ULK4: variants seen among roughly 807,000 people sequenced by gnomAD.
ULK4 encodes unc-51 like kinase 4.
In ULK4, 133 loss-of-function variants were observed where a neutral mutation model predicts 160.6. The observed-to-expected ratio is 0.83, with a 90% CI of 0.72 to 0.96. ULK4 has a LOEUF of 0.96. ULK4 is among the 40% of genes least tolerant of loss of function. ULK4 has a pLI of 0.00. For missense variants in ULK4, 1,580 were observed against 1,499.5 expected (o/e 1.05, Z -0.89); for synonymous variants, 534 against 539.8 (o/e 0.99, Z 0.15).
At chr3:41,440,607 G>A (rs2083142707) in intron 34 of ULK4, among the ~76,000 whole-genome samples, 1 of 152,012 alleles carries the variant, frequency 6.6e-6, no homozygotes, top group Non-Finnish European at 1.5e-5. Flanking sequence ...CAGGATATTG[G>A]TAGTTTTCTT....
chr3:41,320,399 C>A (rs1207333950), intron 35 of ULK4, among the ~76,000 whole-genome samples: 1 of 152,148 alleles, frequency 6.6e-6, no homozygotes, highest in East Asian at 1.9e-4. Context: ...AAGATCATAA[C>A]CCATTTTTCA....
At chr3:41,286,237 C>T (rs2079454186) in intron 35 of ULK4, among the ~76,000 whole-genome samples, 1 of 152,108 alleles carries the variant, frequency 6.6e-6, no homozygotes. Context: ...ACATTACCTT[C>T]TTGAATCTTT....
At chr3:41,582,417 G>C (rs1027633765) in intron 31 of ULK4, among the ~76,000 whole-genome samples, 3 of 151,942 alleles carry the variant, frequency 2.0e-5, no homozygotes, top group African/African-American at 7.2e-5. Context: ...TTTTGAATTC[G>C]GGGGATTAAA....
At chr3:41,282,510 T>C (rs1027163455) in intron 35 of ULK4, among the ~76,000 whole-genome samples, 3 of 152,150 alleles carry the variant, frequency 2.0e-5, no homozygotes, top group Admixed American at 2.0e-4. Context: ...TCTACAATCA[T>C]CTGATCTTTG....
chr3:41,664,885 A>C (rs2035305935), intron 29 of ULK4, among the ~76,000 whole-genome samples: 1 of 152,170 alleles, frequency 6.6e-6, no homozygotes, highest in Non-Finnish European at 1.5e-5. Context: ...CAATTTCCAC[A>C]ACAAAATTTT....
At chr3:41,296,610 G>A (rs962506441) in intron 35 of ULK4, among the ~76,000 whole-genome samples, 1 of 152,120 alleles carries the variant, frequency 6.6e-6, no homozygotes, top group African/African-American at 2.4e-5. Flanking sequence ...TTTGGTGGGA[G>A]GTGACATTTA....
At position 41,480,206 on chromosome 3, in the gene ULK4, C is replaced by CA. The variant is rs60805184; in HGVS notation, c.3227-16954dup. ...TGGGTGACAGAGCGAGACTCCGTAT[C>CA]AAAAAAAAAAAAAAAAAAAAAAAGT... On this transcript the variant is annotated intron_variant, in intron 32 of 36. Transcript: ENST00000301831. 3.6e-3 allele frequency among the ~76,000 whole-genome samples: 352 copies of CA among 97,088 alleles called. 9 individuals carry two copies. The East Asian group carries it at 0.05, about 14-fold the overall frequency. 63.7% of individuals were successfully genotyped at this position (97,088 alleles called of 152,430 possible). A position where few individuals can be genotyped will look rare whatever the true frequency, so the allele number is the denominator to read the frequency against.
chr3:41,437,195 A>G (rs973017716), intron 34 of ULK4, among the ~76,000 whole-genome samples: 1 of 152,122 alleles, frequency 6.6e-6, no homozygotes, highest in Non-Finnish European at 1.5e-5. Flanking sequence ...ACTATGAGAA[A>G]CTCGGAGTTG....
chr3:41,753,241 T>C (rs2038688017), intron 22 of ULK4, among the ~76,000 whole-genome samples: 1 of 152,124 alleles, frequency 6.6e-6, no homozygotes, highest in African/African-American at 2.4e-5. Flanking sequence ...CAGAAATTTG[T>C]TGTCTTGTTT....
intron 35 of ULK4, among the ~76,000 whole-genome samples, chr3:41,347,067 T>G (rs1162244787): frequency 7.2e-6 from 1 of 139,078 alleles, no homozygotes; most frequent in Non-Finnish European, 1.5e-5. Flanking sequence ...GAACAAATAT[T>G]CAGGAAAAAA....
At chr3:41,701,802 G>A (rs1010990524) in intron 27 of ULK4, among the ~76,000 whole-genome samples, 4 of 152,122 alleles carry the variant, frequency 2.6e-5, no homozygotes, top group Non-Finnish European at 5.9e-5. Flanking sequence ...GAGTTAAGCA[G>A]GCTAAGGTCT....
Position 41,772,533 on chromosome 3 carries a change from C to A in ULK4, c.2193+17128G>T, listed in dbSNP as rs530630629. Among the ~76,000 whole-genome samples the A allele has an allele frequency of 7.9e-5, 12 of 152,276 alleles. No homozygotes were observed. The East Asian group carries it at 1.9e-3, about 24-fold the overall frequency. ...AGACTAAACCAGGAAGAAGTTGAATCTCTGAATAGACCAATAACAGGATCT... is the reference window on the plus strand; with the variant it reads ...AGACTAAACCAGGAAGAAGTTGAATATCTGAATAGACCAATAACAGGATCT... On this transcript the variant is annotated intron_variant, in intron 21 of 36. Transcript: ENST00000301831.
In ULK4 at chr3:41,417,970, A is replaced by T. The variant is rs116348664; in HGVS notation, c.3493-19706T>A. Among the ~76,000 whole-genome samples, 139 of 152,298 alleles carry T rather than the reference A, an allele frequency of 9.1e-4. 1 individual carries two copies. The highest frequency in any genetic ancestry group is 3.1e-3 in the African/African-American group (127 of 41,574). ...AGGAGATGAAATTCCCATGCAAAAG[A>T]TAATACATTTTTATCATCAAGAATG... is the stretch of plus-strand genomic sequence containing the variant. On this transcript the variant is annotated intron_variant, in intron 34 of 36. Transcript: ENST00000301831.
intron 22 of ULK4, among the ~76,000 whole-genome samples, chr3:41,727,298 C>T (rs936058530): frequency 2.6e-5 from 4 of 152,120 alleles, no homozygotes; most frequent in East Asian, 1.9e-4. Flanking sequence ...AACTATTTAC[C>T]GTGTCTACTA....
chr3:41,845,004 T>C (rs1400067776), intron 17 of ULK4, among the ~76,000 whole-genome samples: 2 of 151,348 alleles, frequency 1.3e-5, no homozygotes, highest in African/African-American at 2.4e-5. Context: ...CTCGCCCTGT[T>C]GCCCAGGCTG....
intron 12 of ULK4, among the ~76,000 whole-genome samples, chr3:41,905,813 G>A (rs1490385599): frequency 6.6e-6 from 1 of 152,120 alleles, no homozygotes; most frequent in Non-Finnish European, 1.5e-5. Flanking sequence ...GGTGGCTCAC[G>A]TCTGTAATCC....
At chr3:41,952,904 C>T (rs942138982) in intron 2 of ULK4, among the ~76,000 whole-genome samples, 4 of 152,024 alleles carry the variant, frequency 2.6e-5, no homozygotes, top group Admixed American at 2.6e-4. Context: ...CTAACACATG[C>T]TACAACGTGG....
intron 30 of ULK4, among the ~76,000 whole-genome samples, chr3:41,637,895 T>C (rs1288354280): frequency 1.3e-5 from 2 of 152,234 alleles, no homozygotes; most frequent in Admixed American, 6.5e-5. Context: ...GTTGGTTTCC[T>C]ACTATTGAGT....
chr3:41,402,286 TTG>T (rs1347540712), intron 34 of ULK4, among the ~76,000 whole-genome samples: 2 of 152,310 alleles, frequency 1.3e-5, no homozygotes, highest in East Asian at 3.9e-4. Flanking sequence ...ACATAGATAA[TTG>T]TGTCACCTGT....
Sources: allele counts gnomAD v4.1 joint callset (sites outside exome capture counted in the v4.1 genomes callset), GRCh38; gene constraint gnomAD v4.1.1; transcripts MANE v1.5; gene names NCBI Gene and HGNC (gene_info 2026-07-23, HGNC 2026-07-21).